Variants in CLEC10A observed in about 807,000 individuals in gnomAD.
CLEC10A encodes the protein C-type lectin domain family 10 member A.
In CLEC10A, 38 loss-of-function variants were observed where a neutral mutation model predicts 42.0. The ratio of observed to expected loss-of-function variants is 0.90; its 90% CI spans 0.70 to 1.18. The LOEUF (loss-of-function observed/expected upper bound fraction) is 1.18. CLEC10A is among the 50% of genes most tolerant of loss of function. The pLI is 0.00. For synonymous variants in CLEC10A, 126 were observed against 139.9 expected, an observed-to-expected ratio of 0.90 and a Z score of 0.70; for missense variants, 298 against 345.9, an observed-to-expected ratio of 0.86 and a Z score of 1.10.
intron 3 of CLEC10A, among the ~76,000 whole-genome samples, chr17:7,077,788 C>T (rs1413972845): frequency 6.6e-6 from 1 of 152,032 alleles, no homozygotes; most frequent in African/African-American, 2.4e-5. Flanking sequence ...ATCAGTGCTT[C>T]AGTGGCTCTG....
rs904580879 is a variant in CLEC10A at position 7,078,049 on chromosome 17, G to A, written c.132C>T (p.Ser44=). 1.2e-5 allele frequency: 20 copies of A among 1,613,912 alleles called. No homozygotes were observed. The highest frequency in any genetic ancestry group is 1.6e-5 in the Non-Finnish European group (19 of 1,179,938). Residue 44 remains serine (S), a synonymous_variant, in exon 3 of 9, where the codon TCC becomes TCT. Coordinates refer to ENST00000416562, the MANE Select transcript of CLEC10A (RefSeq NM_001330070.2). ...CCAGCAGCAGGAGGCCGAGGCCCAG[G>A]GACAGCAGGAGATGGCAGGGCCCAG... is the stretch of plus-strand genomic sequence containing the variant. The part of the protein sequence containing the change: ...LCSGPCHLLL[S]LGLGLLLLVI...
Position 7,074,998 on chromosome 17 carries a change from GA to G in CLEC10A, c.*55del, listed in dbSNP as rs1459501296. On this transcript the variant is annotated 3_prime_UTR_variant, in exon 9 of 9. Coordinates refer to ENST00000416562, the MANE Select transcript of CLEC10A (RefSeq NM_001330070.2). ...GAGCGGTCTTGCGAGGAGGTCGTGA[GA>G]AGAGTCCTCCTCCCACCGCCATTTC... 2 of 1,425,452 alleles carry G rather than the reference GA, an allele frequency of 1.4e-6. No individual in the cohort carries two copies. Among genetic ancestry groups the G allele is most frequent in the African/African-American group, 3.0e-5 (2 of 67,736 alleles). The allele number at this position is 1,425,452 out of a possible 1,614,324, so 88.3% of individuals were successfully genotyped here. A position where few individuals can be genotyped will look rare whatever the true frequency, so the allele number is the denominator to read the frequency against.
At chr17:7,077,932 G>GCA (rs1911941207) in intron 3 of CLEC10A, 65 bp downstream of exon 3, 1 of 1,255,714 alleles carries the variant, frequency 8.0e-7, no homozygotes, top group South Asian at 1.2e-5. Flanking sequence ...CCCTACTGTA[G>GCA]CACCCCATTA....
At position 7,076,877 on chromosome 17, in the gene CLEC10A, C is replaced by T; in HGVS notation, c.280+15G>A. 1 of 1,613,940 alleles carries T rather than the reference C, an allele frequency of 6.2e-7. No homozygotes were observed. The highest frequency in any genetic ancestry group is 8.5e-7 in the Non-Finnish European group (1 of 1,179,896). On this transcript the variant is annotated intron_variant, in intron 4 of 8. Coordinates refer to ENST00000416562, the MANE Select transcript of CLEC10A (RefSeq NM_001330070.2). ...GCCTGGCCCCAGCCCAGAGCCCCATCCAAACCAGACTCACCCTGGGAAGTC... is the reference window on the plus strand; with the variant it reads ...GCCTGGCCCCAGCCCAGAGCCCCATTCAAACCAGACTCACCCTGGGAAGTC...
At chr17:7,077,111 A>G (rs143119701) in intron 3 of CLEC10A, 124 bp from the exon 4 acceptor site, 86 of 695,088 alleles carry the variant, frequency 1.2e-4, no homozygotes, top group African/African-American at 1.1e-3. Flanking sequence ...GGCAGGCACT[A>G]TTATTGTTCA....
chr17:7,077,538 G>C, intron 3 of CLEC10A, among the ~76,000 whole-genome samples: 1 of 38,556 alleles, frequency 2.6e-5, no homozygotes, highest in African/African-American at 1.4e-4. Context: ...ACCCCCCACC[G>C]TTCCTATCAA....
In CLEC10A at chr17:7,076,955, T is replaced by C; in HGVS notation, c.217A>G (p.Arg73Gly). ...SKFQRDLVTL[R>G]TDFSNFTSNT... ...GAGGTGAAGTTGCTAAAATCTGTTC[T>C]CAGGGTCACCAGGTCCCTCTGAAAT... Residue 73 changes from arginine (R) to glycine (G), a missense_variant, in exon 4 of 9, where the codon AGA (arginine) becomes GGA (glycine). By Grantham distance (125) the Arg-to-Gly change is moderately radical. This residue lies in a region of CLEC10A where 267 missense variants were observed against 289.5 expected (regional missense o/e 0.92). Transcript: ENST00000416562. 6.2e-7 allele frequency: 1 copy of C among 1,613,894 alleles called. No homozygotes were observed. Among genetic ancestry groups the C allele is most frequent in the Non-Finnish European group, 8.5e-7 (1 of 1,179,944 alleles).
chr17:7,078,509 C>T (rs1405062137), intron 2 of CLEC10A: 13 of 566,694 alleles, frequency 2.3e-5, no homozygotes, highest in Admixed American at 1.8e-4. Flanking sequence ...TCCACCAATG[C>T]GCAGCTCTCA....
At chr17:7,079,320 G>A (rs1009452597) in intron 1 of CLEC10A, among the ~76,000 whole-genome samples, 4 of 152,130 alleles carry the variant, frequency 2.6e-5, no homozygotes, top group South Asian at 2.1e-4. Context: ...GGTGGCTCAC[G>A]CCTATAAATC....
At chr17:7,076,548 G>A (rs1162372297) in intron 5 of CLEC10A, among the ~76,000 whole-genome samples, 185 bp downstream of exon 5, 2 of 151,554 alleles carry the variant, frequency 1.3e-5, no homozygotes, top group Non-Finnish European at 2.9e-5. Context: ...TCCTGACCTC[G>A]TGATCCACCC....
At chr17:7,079,335 C>A (rs760976896) in intron 1 of CLEC10A, among the ~76,000 whole-genome samples, 1 of 152,160 alleles carries the variant, frequency 6.6e-6, no homozygotes, top group African/African-American at 2.4e-5. Flanking sequence ...TAAATCCCAG[C>A]ACTTTGGGAG....
rs1411718808 is a variant in CLEC10A, at chr17:7,077,982, C to T, written c.184+15G>A. ...CATTATTTCTCTCTTCCCTGTCCAC[C>T]CCTGTGACCCTCACTTTGGAATCCA... On this transcript the variant is annotated intron_variant, in intron 3 of 8. Transcript: ENST00000416562. 5 of 1,575,726 alleles carry T rather than the reference C, an allele frequency of 3.2e-6. No individual in the cohort carries two copies. The African/African-American group carries it at 6.8e-5, about 21-fold the overall frequency.
chr17:7,078,676 G>C, intron 2 of CLEC10A, 70 bp downstream of exon 2: 1 of 1,492,476 alleles, frequency 6.7e-7, no homozygotes, highest in Non-Finnish European at 9.3e-7. Flanking sequence ...TGGAGGTACA[G>C]AAATGATAGG....
intron 1 of CLEC10A, among the ~76,000 whole-genome samples, chr17:7,079,321 C>T (rs1912045302): frequency 6.6e-6 from 1 of 152,110 alleles, no homozygotes; most frequent in African/African-American, 2.4e-5. Context: ...GTGGCTCACG[C>T]CTATAAATCC....
At position 7,078,738 on chromosome 17, in the gene CLEC10A, C is replaced by T; in HGVS notation, c.67+8G>A. The T allele has an allele frequency of 1.2e-6, 2 of 1,613,348 alleles. No individual in the cohort carries two copies. ...GGCATTTTAGGAGAGTTTCCCCTTT[C>T]CTCTTACCATTTTTAAACCCCTGGA... On this transcript the variant is annotated splice_region_variant and intron_variant, in intron 2 of 8. Transcript: ENST00000416562.
Position 7,075,437 on chromosome 17 carries a change from T to C in CLEC10A, c.624A>G (p.Ala208=). 1 of 1,530,682 alleles carries C rather than the reference T, an allele frequency of 6.5e-7. No individual in the cohort carries two copies. The highest frequency in any genetic ancestry group is 8.8e-7 in the Non-Finnish European group (1 of 1,142,534). 94.8% of individuals were successfully genotyped at this position (1,530,682 alleles called of 1,614,324 possible). Residue 208 remains alanine, a synonymous_variant, in exon 8 of 9, where the codon GCA becomes GCG. Transcript: ENST00000416562. ...GGTCACTGAGGCCCATCCAGGTGTA[T>C]GCGGAGCCTAGATATTTCTGGACAA... ...QNFVQKYLGS[A]YTWMGLSDPE... is the part of the protein sequence containing the mutation.
intron 2 of CLEC10A, 130 bp downstream of exon 2, chr17:7,078,616 A>G (rs1911995574): frequency 2.3e-6 from 2 of 853,860 alleles, no homozygotes; most frequent in East Asian, 4.9e-5. Flanking sequence ...TAGGCCCGTC[A>G]GAGGCTGGGG....
chr17:7,075,692 TG>T, intron 7 of CLEC10A, 38 bp downstream of exon 7: 2 of 1,613,894 alleles, frequency 1.2e-6, no homozygotes, highest in Non-Finnish European at 1.7e-6. Flanking sequence ...TTTCCCTAAA[TG>T]GGACATGTCT....
At position 7,075,745 on chromosome 17, in the gene CLEC10A, AG is replaced by A. The variant is rs764011840; in HGVS notation, c.579del (p.Ser194ProfsTer12). ...QLKNAHLVVI[N>X]SREEQNFVQK... ...GAAGCCCTCACCTGCTCCTCCCTGG[AG>A]TTGATGACCACCAGGTGGGCGTTCT... On this transcript the variant is annotated frameshift_variant, in exon 7 of 9. Coordinates refer to ENST00000416562, the MANE Select transcript of CLEC10A (RefSeq NM_001330070.2). LOFTEE classifies it high-confidence loss of function. The A allele has an allele frequency of 6.2e-6, 10 of 1,614,110 alleles. No homozygotes were observed. The East Asian group carries it at 1.8e-4, about 29-fold the overall frequency.
Sources: gnomAD v4.1 joint callset for allele counts (sites outside exome capture counted in the v4.1 genomes callset) on GRCh38, gnomAD v4.1.1 for gene constraint, gnomAD v4.1.1 regional missense constraint, MANE v1.5 for transcripts, NCBI Gene and HGNC (gene_info 2026-07-23, HGNC 2026-07-21) for gene names.